The following CCDC85A variants were observed in gnomAD, a reference collection of about 807,000 sequenced individuals.
CCDC85A encodes coiled-coil domain-containing protein 85A.
CCDC85A carries 38 observed loss-of-function variants against 50.2 expected under a neutral mutation model. The observed-to-expected ratio is 0.76, with a 90% CI of 0.58 to 0.99. The LOEUF (loss-of-function observed/expected upper bound fraction) is 0.99. CCDC85A is among the 50% of genes least tolerant of loss of function. The pLI, the probability that CCDC85A is intolerant of heterozygous loss-of-function variation, is 0.00. For missense variants in CCDC85A, 820 were observed against 742.0 expected, an observed-to-expected ratio of 1.11 and a Z score of -1.22; for synonymous variants, 366 against 301.4, an observed-to-expected ratio of 1.21 and a Z score of -2.22.
At chr2:56,332,539 G>A (rs1673862141) in intron 2 of CCDC85A, among the ~76,000 whole-genome samples, 1 of 152,192 alleles carries the variant, frequency 6.6e-6, no homozygotes, top group South Asian at 2.1e-4. Flanking sequence ...CACCTTGGAG[G>A]TTAGGTTTCA....
At chr2:56,221,239 C>A (rs374491640) in intron 2 of CCDC85A, among the ~76,000 whole-genome samples, 5 of 152,174 alleles carry the variant, frequency 3.3e-5, no homozygotes, top group African/African-American at 1.2e-4. Flanking sequence ...AAATCATCAA[C>A]TGCCAATGCA....
At chr2:56,201,771 C>T (rs1269701990) in intron 2 of CCDC85A, among the ~76,000 whole-genome samples, 1 of 151,852 alleles carries the variant, frequency 6.6e-6, no homozygotes, top group Non-Finnish European at 1.5e-5. Flanking sequence ...TATATTAATG[C>T]TAAAGAATAG....
At chr2:56,347,456 A>G (rs1042515939) in intron 3 of CCDC85A, among the ~76,000 whole-genome samples, 3 of 152,198 alleles carry the variant, frequency 2.0e-5, no homozygotes, top group African/African-American at 7.2e-5. Context: ...CTAACATTGG[A>G]TCTGCTTAGC....
At chr2:56,188,320 TAGAA>T (rs747902270) in intron 1 of CCDC85A, among the ~76,000 whole-genome samples, 111 of 152,126 alleles carry the variant, frequency 7.3e-4, no homozygotes, top group Non-Finnish European at 1.5e-3. Context: ...AAACTAATAA[TAGAA>T]AGAGGGAACT....
chr2:56,330,925 A>G (rs887735354), intron 2 of CCDC85A, among the ~76,000 whole-genome samples: 2 of 152,216 alleles, frequency 1.3e-5, no homozygotes, highest in Non-Finnish European at 2.9e-5. Context: ...CTGCACTTGT[A>G]TATTTATAGT....
At chr2:56,200,221 T>C (rs1676679311) in intron 2 of CCDC85A, among the ~76,000 whole-genome samples, 1 of 152,260 alleles carries the variant, frequency 6.6e-6, no homozygotes, top group Non-Finnish European at 1.5e-5. Context: ...ACTATGTTTC[T>C]ATAATATTAT....
At position 56,297,298 on chromosome 2, in the gene CCDC85A, C is replaced by G. The variant is rs143297262; in HGVS notation, c.1241-45581C>G. ...TGTGGATGAGTTGGGGAAACTTACT[C>G]AAAATATCAGGGAGGCAGTACCTCT... is the stretch of plus-strand genomic sequence containing the variant. On this transcript the variant is annotated intron_variant, in intron 2 of 5. Transcript: ENST00000407595. Among the ~76,000 whole-genome samples the G allele has an allele frequency of 3.2e-3, 491 of 151,632 alleles. 3 individuals are homozygous for G. Among genetic ancestry groups the G allele is most frequent in the Admixed American group, 8.9e-3 (135 of 15,210 alleles).
chr2:56,233,692 T>G lies in CCDC85A; in HGVS notation c.1240+40252T>G, dbSNP rs553811977. On this transcript the variant is annotated intron_variant, in intron 2 of 5. Transcript: ENST00000407595. ...ATTTAGCCCAAGGGCTGTTGTTTGG[T>G]GACTCCCGCTTTAAAAGATTTTGTA... 4.3e-4 allele frequency among the ~76,000 whole-genome samples: 66 copies of G among 152,356 alleles called. 1 individual carries two copies. Among genetic ancestry groups the G allele is most frequent in the African/African-American group, 1.5e-3 (64 of 41,590 alleles).
intron 4 of CCDC85A, among the ~76,000 whole-genome samples, chr2:56,375,482 A>T (rs1558665616): frequency 6.6e-6 from 1 of 152,166 alleles, no homozygotes. Flanking sequence ...AGCATGTTTA[A>T]CTCAGCTATG....
chr2:56,328,600 T>G (rs1422036107), intron 2 of CCDC85A, among the ~76,000 whole-genome samples: 1 of 152,208 alleles, frequency 6.6e-6, no homozygotes, highest in African/African-American at 2.4e-5. Flanking sequence ...GTGGAAATGT[T>G]AAGCCTAACA....
rs1018766189 is a variant in CCDC85A, at chr2:56,381,463, C to T, written c.1573-2803C>T. Among the ~76,000 whole-genome samples, 5 of 152,184 alleles carry T rather than the reference C, an allele frequency of 3.3e-5. 1 individual carries two copies. Among genetic ancestry groups the T allele is most frequent in the South Asian group, 2.1e-4 (1 of 4,806 alleles). ...TAGTATGTGGACCTCCTTCATAATT[C>T]GGATCTCTGAGTTTACCATCAGACC... On this transcript the variant is annotated intron_variant, in intron 5 of 5. Coordinates refer to ENST00000407595, the MANE Select transcript of CCDC85A (RefSeq NM_001080433.2).
Position 56,184,461 on chromosome 2 carries a change from C to A in CCDC85A, c.-164C>A. ...GCGCGGGGATGGCGAGGTAGGATGG[C>A]CACCCAGCGCGACCCCCGCCGCCCC... is the stretch of plus-strand genomic sequence containing the variant. On this transcript the variant is annotated 5_prime_UTR_variant, in exon 1 of 6. Transcript: ENST00000407595. 1.3e-6 allele frequency: 1 copy of A among 761,896 alleles called. No individual in the cohort carries two copies. Among genetic ancestry groups the A allele is most frequent in the Non-Finnish European group, 1.8e-6 (1 of 566,888 alleles). 47.2% of individuals were successfully genotyped at this position (761,896 alleles called of 1,614,324 possible). A position where few individuals can be genotyped will look rare whatever the true frequency, so the allele number is the denominator to read the frequency against.
At chr2:56,362,224 T>C (rs1337018740) in intron 3 of CCDC85A, among the ~76,000 whole-genome samples, 3 of 152,020 alleles carry the variant, frequency 2.0e-5, no homozygotes, top group Non-Finnish European at 4.4e-5. Flanking sequence ...AGCAATCATA[T>C]GATTGGTGGT....
chr2:56,187,346 T>C (rs2193478), intron 1 of CCDC85A, among the ~76,000 whole-genome samples: 34,163 of 152,184 alleles, frequency 0.22, 4,269 homozygotes, highest in Admixed American at 0.31. Flanking sequence ...TTTGTAAGGC[T>C]ACCAGGTGTT....
intron 3 of CCDC85A, among the ~76,000 whole-genome samples, chr2:56,358,961 ATTTTTTTT>A (rs1247665108): frequency 8.4e-5 from 3 of 35,774 alleles, no homozygotes; most frequent in Non-Finnish European, 2.6e-4. Context: ...ATTTTTTTGT[ATTTTTTTT>A]TTTTTTTTTT....
At chr2:56,187,843 C>T (rs1399541665) in intron 1 of CCDC85A, among the ~76,000 whole-genome samples, 1 of 152,158 alleles carries the variant, frequency 6.6e-6, no homozygotes, top group Non-Finnish European at 1.5e-5. Flanking sequence ...TGAGCATATA[C>T]CAACACTTCA....
At chr2:56,302,220 C>T (rs529204780) in intron 2 of CCDC85A, among the ~76,000 whole-genome samples, 19 of 152,168 alleles carry the variant, frequency 1.2e-4, no homozygotes, top group South Asian at 8.3e-4. Context: ...CATGCCATTG[C>T]ACTGCAGCCT....
At chr2:56,331,542 C>T (rs570793961) in intron 2 of CCDC85A, among the ~76,000 whole-genome samples, 1 of 152,096 alleles carries the variant, frequency 6.6e-6, no homozygotes, top group Admixed American at 6.5e-5. Context: ...TACAAAAAAA[C>T]CCAAAAAACT....
intron 2 of CCDC85A, among the ~76,000 whole-genome samples, chr2:56,299,686 A>T (rs1672113792): frequency 6.6e-6 from 1 of 152,128 alleles, no homozygotes; most frequent in Admixed American, 6.6e-5. Context: ...ATCAGTGAAT[A>T]CCCATACTGA....
Sources: allele counts gnomAD v4.1 joint callset (sites outside exome capture counted in the v4.1 genomes callset), GRCh38; gene constraint gnomAD v4.1.1; transcripts MANE v1.5; gene names NCBI Gene and HGNC (gene_info 2026-07-23, HGNC 2026-07-21).